The following MDGA2 variants were observed in gnomAD, a reference collection of about 807,000 sequenced individuals.
MDGA2 encodes MAM domain containing glycosylphosphatidylinositol anchor 2.
MDGA2 carries 40 observed loss-of-function variants against 117.8 expected under a neutral mutation model. That is an observed-to-expected ratio of 0.34 (90% confidence interval 0.26 to 0.44). The LOEUF (loss-of-function observed/expected upper bound fraction) is 0.44. MDGA2 is among the 20% of genes least tolerant of loss of function. The pLI is 1.00. For missense variants in MDGA2, 1,123 were observed against 1,250.6 expected, an observed-to-expected ratio of 0.90 and a Z score of 1.54; for synonymous variants, 452 against 439.0, an observed-to-expected ratio of 1.03 and a Z score of -0.37.
At chr14:47,455,573 G>A (rs2138579972) in intron 1 of MDGA2, among the ~76,000 whole-genome samples, 1 of 152,184 alleles carries the variant, frequency 6.6e-6, no homozygotes, top group South Asian at 2.1e-4. Context: ...AAAAGGCATA[G>A]TAAATATTAG....
At chr14:47,583,202 G>A (rs1231736202) in intron 1 of MDGA2, among the ~76,000 whole-genome samples, 1 of 151,848 alleles carries the variant, frequency 6.6e-6, no homozygotes, top group Non-Finnish European at 1.5e-5. Context: ...ATGAGCAAGT[G>A]TAGTGTAATG....
At chr14:47,077,237 C>A (rs1269814490) in intron 6 of MDGA2, among the ~76,000 whole-genome samples, 1 of 151,980 alleles carries the variant, frequency 6.6e-6, no homozygotes, top group Non-Finnish European at 1.5e-5. Context: ...GCATTTTTTA[C>A]TTTGTGTCAG....
chr14:46,988,244 A>G (rs909610258), intron 8 of MDGA2, among the ~76,000 whole-genome samples: 1 of 152,052 alleles, frequency 6.6e-6, no homozygotes, highest in African/African-American at 2.4e-5. Context: ...AAGGAAATAG[A>G]AAACTAGAGT....
At chr14:47,485,809 A>G (rs1894048853) in intron 1 of MDGA2, among the ~76,000 whole-genome samples, 1 of 152,176 alleles carries the variant, frequency 6.6e-6, no homozygotes, top group African/African-American at 2.4e-5. Context: ...CTTAGTGTTG[A>G]GCCTGCCAGG....
At chr14:47,290,341 C>A (rs1036247305) in intron 2 of MDGA2, among the ~76,000 whole-genome samples, 3 of 151,944 alleles carry the variant, frequency 2.0e-5, no homozygotes, top group African/African-American at 4.8e-5. Flanking sequence ...AAAAGGAGAA[C>A]AAGTATGAGA....
rs139647379 is a variant in MDGA2, at chr14:47,177,725, C to A, written c.596-33451G>T. ...AAGTGACAAGTTAATGGGTGCAGCA[C>A]ACCAGCATGGCACACGTATACATAT... is the stretch of plus-strand genomic sequence containing the variant. On this transcript the variant is annotated intron_variant, in intron 3 of 16. Transcript: ENST00000399232. Among the ~76,000 whole-genome samples, 485 of 152,158 alleles carry A rather than the reference C, an allele frequency of 3.2e-3. 2 individuals carry two copies. The highest frequency in any genetic ancestry group is 0.011 in the African/African-American group (462 of 41,512).
chr14:47,165,740 A>G (rs1883843323), intron 3 of MDGA2, among the ~76,000 whole-genome samples: 1 of 152,212 alleles, frequency 6.6e-6, no homozygotes, highest in South Asian at 2.1e-4. Context: ...ACTGATATAC[A>G]AAGAAACTCA....
At chr14:47,018,477 C>T (rs534258853) in intron 8 of MDGA2, among the ~76,000 whole-genome samples, 26 of 152,082 alleles carry the variant, frequency 1.7e-4, no homozygotes, top group African/African-American at 6.0e-4. Context: ...TAGAAATCTT[C>T]AATAATCTGT....
At chr14:46,851,654 T>C (rs1012733912) in intron 15 of MDGA2, among the ~76,000 whole-genome samples, 2 of 151,742 alleles carry the variant, frequency 1.3e-5, no homozygotes, top group African/African-American at 4.8e-5. Flanking sequence ...ACAGTGTAAA[T>C]GCTAGTGAAA....
rs534677980 is a variant in MDGA2 at position 47,256,586 on chromosome 14, A to G, written c.421-38391T>C. On this transcript the variant is annotated intron_variant, in intron 2 of 16. Coordinates refer to ENST00000399232, the MANE Select transcript of MDGA2 (RefSeq NM_001113498.3). ...TGCACACTTAAAGAAGATATGCTAA[A>G]CAAAATGTCATTTCTCTGGAAGGAA... Among the ~76,000 whole-genome samples the G allele has an allele frequency of 2.0e-5, 3 of 152,302 alleles. No individual in the cohort carries two copies. In the South Asian group the frequency reaches 6.2e-4, roughly 32 times the overall value.
intron 3 of MDGA2, chr14:47,200,934 G>A (rs1322791673): frequency 1.2e-5 from 10 of 831,164 alleles, no homozygotes; most frequent in Non-Finnish European, 1.9e-5. Context: ...AGCAAGCCTC[G>A]CTCGGTCCGA....
intron 1 of MDGA2, among the ~76,000 whole-genome samples, chr14:47,391,308 T>A (rs542749902): frequency 6.6e-6 from 1 of 152,326 alleles, no homozygotes; most frequent in Non-Finnish European, 1.5e-5. Flanking sequence ...CCAGAATTTC[T>A]GCTCATGTGA....
chr14:46,935,122 G>C (rs1884731785), intron 9 of MDGA2, among the ~76,000 whole-genome samples: 2 of 152,072 alleles, frequency 1.3e-5, no homozygotes, highest in Non-Finnish European at 2.9e-5. Flanking sequence ...TGGTGGCATG[G>C]AGAGCACAGA....
At chr14:47,438,835 CAA>C (rs986227854) in intron 1 of MDGA2, among the ~76,000 whole-genome samples, 1 of 151,612 alleles carries the variant, frequency 6.6e-6, no homozygotes, top group Non-Finnish European at 1.5e-5. Context: ...GGATAAGAAA[CAA>C]AAAAAAGTCT....
At chr14:47,550,683 C>A (rs1895564660) in intron 1 of MDGA2, among the ~76,000 whole-genome samples, 1 of 151,866 alleles carries the variant, frequency 6.6e-6, no homozygotes, top group African/African-American at 2.4e-5. Context: ...AGACCAAATT[C>A]TTGTCTCACT....
At chr14:47,601,412 T>G (rs1408833318) in intron 1 of MDGA2, among the ~76,000 whole-genome samples, 1 of 152,100 alleles carries the variant, frequency 6.6e-6, no homozygotes, top group Non-Finnish European at 1.5e-5. Context: ...AAAAAAAATC[T>G]GTATTGATCA....
intron 7 of MDGA2, among the ~76,000 whole-genome samples, chr14:47,041,358 T>C (rs1003294827): frequency 7.2e-5 from 11 of 152,096 alleles, no homozygotes; most frequent in African/African-American, 2.2e-4. Flanking sequence ...TTTAAAAAAA[T>C]TGTCTCATAA....
chr14:47,399,278 A>G (rs1227704501), intron 1 of MDGA2, among the ~76,000 whole-genome samples: 1 of 152,212 alleles, frequency 6.6e-6, no homozygotes, highest in Non-Finnish European at 1.5e-5. Flanking sequence ...CAGGACGAGG[A>G]AGGGGTCTGA....
At chr14:47,099,865 A>G (rs10149991) in intron 5 of MDGA2, among the ~76,000 whole-genome samples, 79,080 of 151,850 alleles carry the variant, frequency 0.52, 20,993 homozygotes, top group African/African-American at 0.64. Flanking sequence ...TAGCTAGTAC[A>G]AAGGATGCAC....
Sources: gnomAD v4.1 joint callset for allele counts (sites outside exome capture counted in the v4.1 genomes callset) on GRCh38, gnomAD v4.1.1 for gene constraint, MANE v1.5 for transcripts, NCBI Gene and HGNC (gene_info 2026-07-23, HGNC 2026-07-21) for gene names.